The following MARCHF1 variants were observed in gnomAD, a reference collection of about 807,000 sequenced individuals.
MARCHF1 encodes E3 ubiquitin-protein ligase MARCHF1.
A neutral mutation model predicts 54.2 loss-of-function variants in MARCHF1; 40 were observed. The ratio of observed to expected loss-of-function variants is 0.74; its 90% CI spans 0.57 to 0.96. MARCHF1 has a LOEUF of 0.96. MARCHF1 is among the 40% of genes least tolerant of loss of function. The pLI, the probability that MARCHF1 is intolerant of heterozygous loss-of-function variation, is 0.00. For missense variants in MARCHF1, 586 were observed against 656.5 expected, an observed-to-expected ratio of 0.89 and a Z score of 1.17; for synonymous variants, 236 against 236.3, an observed-to-expected ratio of 1.00 and a Z score of 0.01.
chr4:164,080,554 TCTTC>T (rs755708715), intron 2 of MARCHF1, among the ~76,000 whole-genome samples: 18 of 152,074 alleles, frequency 1.2e-4, no homozygotes, highest in Non-Finnish European at 2.1e-4. Flanking sequence ...TCACAGAACC[TCTTC>T]CTTCATTATT....
At chr4:163,610,973 T>C (rs1741320256) in intron 7 of MARCHF1, among the ~76,000 whole-genome samples, 1 of 152,040 alleles carries the variant, frequency 6.6e-6, no homozygotes, top group East Asian at 1.9e-4. Context: ...ATTCCTGTCA[T>C]CCTTTGAGCC....
intron 3 of MARCHF1, among the ~76,000 whole-genome samples, chr4:163,926,097 A>G (rs935710469): frequency 6.6e-6 from 1 of 151,692 alleles, no homozygotes; most frequent in African/African-American, 2.4e-5. Flanking sequence ...CTTCTTACAT[A>G]TAACAAATCA....
At chr4:164,164,499 A>G (rs985060362) in intron 1 of MARCHF1, among the ~76,000 whole-genome samples, 1 of 152,082 alleles carries the variant, frequency 6.6e-6, no homozygotes, top group African/African-American at 2.4e-5. Context: ...CCCAGCAAGT[A>G]AAAGAAAACC....
At chr4:163,564,415 T>C (rs1303103676) in intron 8 of MARCHF1, among the ~76,000 whole-genome samples, 1 of 152,212 alleles carries the variant, frequency 6.6e-6, no homozygotes, top group Non-Finnish European at 1.5e-5. Context: ...GGAGCTGAGG[T>C]ATGTTTTATC....
chr4:163,569,585 ACTC>A (rs998653136), intron 8 of MARCHF1, among the ~76,000 whole-genome samples: 158 of 28,834 alleles, frequency 5.5e-3, no homozygotes, highest in Non-Finnish European at 9.1e-3. Context: ...GGGGGTACAT[ACTC>A]TTATTATCCC....
Position 164,120,143 on chromosome 4 carries a change from C to A in MARCHF1, c.-322-8481G>T, listed in dbSNP as rs116573660. On this transcript the variant is annotated intron_variant, in intron 1 of 9. Coordinates refer to ENST00000514618, the MANE Select transcript of MARCHF1 (RefSeq NM_001394959.1). The stretch of plus-strand genomic sequence containing the variant: ...AAAGCTGAAAATCAAGGGATAGATA[C>A]AGATATTCTATGCCAATGGAAACCA... 3.4e-3 allele frequency among the ~76,000 whole-genome samples: 524 copies of A among 152,012 alleles called. 4 individuals are homozygous for A. The highest frequency in any genetic ancestry group is 0.012 in the African/African-American group (490 of 41,508).
intron 4 of MARCHF1, among the ~76,000 whole-genome samples, chr4:163,780,065 G>C (rs1249400406): frequency 1.3e-5 from 2 of 152,156 alleles, no homozygotes; most frequent in Non-Finnish European, 2.9e-5. Flanking sequence ...TTGTTTATGA[G>C]CCCATTGAGT....
intron 5 of MARCHF1, among the ~76,000 whole-genome samples, chr4:163,686,018 G>A (rs1392573763): frequency 6.6e-6 from 1 of 152,124 alleles, no homozygotes; most frequent in Non-Finnish European, 1.5e-5. Flanking sequence ...TCTTCAAATT[G>A]TAAATCTGTC....
chr4:163,786,670 A>G (rs568110358), intron 4 of MARCHF1, among the ~76,000 whole-genome samples: 39 of 152,056 alleles, frequency 2.6e-4, no homozygotes, highest in Middle Eastern at 3.4e-3. Context: ...ACCCCTAGCA[A>G]TCCACAGATT....
At chr4:163,973,976 C>A (rs1560843262) in intron 3 of MARCHF1, among the ~76,000 whole-genome samples, 1 of 152,162 alleles carries the variant, frequency 6.6e-6, no homozygotes, top group Non-Finnish European at 1.5e-5. Context: ...AATATGGCCT[C>A]TGGAATCACA....
Position 164,220,667 on chromosome 4 carries a change from C to CATATATGCATATATGTAATATATATGA in MARCHF1, c.-322-109006_-322-109005insTCATATATATTACATATATGCATATAT, listed in dbSNP as rs1553992960. Among the ~76,000 whole-genome samples, 4 of 134,322 alleles carry CATATATGCATATATGTAATATATATGA rather than the reference C, an allele frequency of 3.0e-5. No individual in the cohort carries two copies. In the East Asian group the frequency reaches 6.4e-4, roughly 22 times the overall value. The allele number at this position is 134,322 out of a possible 152,430, so 88.1% of individuals were successfully genotyped here. ...TATATGCATATATGTAATATATATG[C>CATATATGCATATATGTAATATATATGA]TATATGTATATATGTAATATATATG... On this transcript the variant is annotated intron_variant, in intron 1 of 9. Coordinates refer to ENST00000514618, the MANE Select transcript of MARCHF1 (RefSeq NM_001394959.1).
intron 1 of MARCHF1, among the ~76,000 whole-genome samples, chr4:164,370,288 A>G (rs1041338576): frequency 3.3e-5 from 5 of 152,230 alleles, no homozygotes; most frequent in African/African-American, 9.6e-5. Context: ...CACCCCTACT[A>G]CAACCACCAC....
intron 1 of MARCHF1, among the ~76,000 whole-genome samples, chr4:164,297,954 A>G (rs1734453385): frequency 6.6e-6 from 1 of 152,166 alleles, no homozygotes; most frequent in Non-Finnish European, 1.5e-5. Flanking sequence ...TTAAAACCTT[A>G]TGATTTTTTA....
chr4:164,008,269 C>G (rs555628514), intron 2 of MARCHF1, among the ~76,000 whole-genome samples: 2 of 152,106 alleles, frequency 1.3e-5, no homozygotes, highest in East Asian at 3.9e-4. Flanking sequence ...AGGGTTAGTT[C>G]AACAACAGAA....
intron 4 of MARCHF1, among the ~76,000 whole-genome samples, chr4:163,724,024 C>T (rs1745569095): frequency 6.6e-6 from 1 of 152,330 alleles, no homozygotes; most frequent in African/African-American, 2.4e-5. Flanking sequence ...TCTCTCAACT[C>T]GTCAAAGTCA....
chr4:163,953,902 A>G (rs1390239257), intron 3 of MARCHF1, among the ~76,000 whole-genome samples: 1 of 152,146 alleles, frequency 6.6e-6, no homozygotes, highest in Non-Finnish European at 1.5e-5. Context: ...GAGACACAGA[A>G]CCTAAAATAT....
intron 5 of MARCHF1, among the ~76,000 whole-genome samples, chr4:163,686,360 T>C (rs775086888): frequency 1.4e-4 from 21 of 151,670 alleles, no homozygotes; most frequent in African/African-American, 4.4e-4. Flanking sequence ...TGTTTCTTCA[T>C]TGGGGTTCAC....
At chr4:163,808,772 T>C (rs1241323565) in intron 4 of MARCHF1, among the ~76,000 whole-genome samples, 3 of 152,142 alleles carry the variant, frequency 2.0e-5, no homozygotes, top group Non-Finnish European at 2.9e-5. Context: ...TTTCACCACG[T>C]TGGCTAGGCT....
intron 2 of MARCHF1, among the ~76,000 whole-genome samples, chr4:163,996,478 G>A (rs968346479): frequency 4.0e-5 from 6 of 151,824 alleles, no homozygotes; most frequent in South Asian, 2.1e-4. Flanking sequence ...ACTACGTATG[G>A]GCATAGCCAA....
Sources: allele counts gnomAD v4.1 joint callset (sites outside exome capture counted in the v4.1 genomes callset), GRCh38; gene constraint gnomAD v4.1.1; transcripts MANE v1.5; gene names NCBI Gene and HGNC (gene_info 2026-07-23, HGNC 2026-07-21).